Variants in MAML3 observed in about 807,000 individuals in gnomAD.
MAML3 encodes mastermind like transcriptional coactivator 3, also known as mastermind-like protein 3.
MAML3 carries 27 observed loss-of-function variants against 101.9 expected under a neutral mutation model. That is an observed-to-expected ratio of 0.27 (90% confidence interval 0.20 to 0.37). The LOEUF is 0.37. Among genes scored for constraint, MAML3 ranks in the 10% least tolerant of loss-of-function variants. The pLI is 1.00. For missense variants in MAML3, 1,316 were observed against 1,444.9 expected (o/e 0.91, Z 1.45); for synonymous variants, 501 against 555.9 (o/e 0.90, Z 1.39).
At chr4:140,027,608 A>G (rs1726847057) in intron 1 of MAML3, among the ~76,000 whole-genome samples, 1 of 152,198 alleles carries the variant, frequency 6.6e-6, no homozygotes, top group South Asian at 2.1e-4. Flanking sequence ...CTACAAATTT[A>G]ATGAATGTGT....
At chr4:139,835,373 T>C (rs1731240743) in intron 2 of MAML3, among the ~76,000 whole-genome samples, 1 of 152,242 alleles carries the variant, frequency 6.6e-6, no homozygotes, top group Admixed American at 6.5e-5. Context: ...TAAAGACATG[T>C]GAGCTCAGCT....
chr4:139,933,139 A>G (rs1256208797), intron 1 of MAML3, among the ~76,000 whole-genome samples: 2 of 152,156 alleles, frequency 1.3e-5, no homozygotes, highest in Non-Finnish European at 2.9e-5. Flanking sequence ...AAGAGAAAAG[A>G]AGGAAGCAAG....
chr4:139,867,873 A>C (rs914254578), intron 2 of MAML3, among the ~76,000 whole-genome samples: 2 of 152,274 alleles, frequency 1.3e-5, no homozygotes, highest in African/African-American at 4.8e-5. Context: ...CACTGCCTTC[A>C]CAGCCCCTGT....
At position 140,080,910 on chromosome 4, in the gene MAML3, G is replaced by A. The variant is rs77831926; in HGVS notation, c.468+71950C>T. Among the ~76,000 whole-genome samples, 61 of 152,184 alleles carry A rather than the reference G, an allele frequency of 4.0e-4. No individual in the cohort carries two copies. In the East Asian group the frequency reaches 8.1e-3, roughly 20 times the overall value. Reference sequence around the variant, plus strand: ...AAAAGAAATTCTGAATTGAGCAGGCGTCTATATAGAAAAATGGAATCCATA... The same window carrying A: ...AAAAGAAATTCTGAATTGAGCAGGCATCTATATAGAAAAATGGAATCCATA... On this transcript the variant is annotated intron_variant, in intron 1 of 4. Transcript: ENST00000509479.
At chr4:140,046,262 G>GC (rs1385673307) in intron 1 of MAML3, among the ~76,000 whole-genome samples, 1 of 152,176 alleles carries the variant, frequency 6.6e-6, no homozygotes, top group East Asian at 1.9e-4. Context: ...TTCTCCTTCA[G>GC]CGTAACCACT....
intron 2 of MAML3, among the ~76,000 whole-genome samples, chr4:139,752,618 C>T (rs1415384198): frequency 2.6e-5 from 4 of 152,176 alleles, no homozygotes; most frequent in South Asian, 2.1e-4. Context: ...GGCACAAATA[C>T]ATTCTGTATT....
rs1731572998 is a variant in MAML3, at chr4:139,852,403, G to GTTTTTTTTTTTTTTGTTGT, written c.2079+36953_2079+36954insACAACAAAAAAAAAAAAAA. On this transcript the variant is annotated intron_variant, in intron 2 of 4. Coordinates refer to ENST00000509479, the MANE Select transcript of MAML3 (RefSeq NM_018717.5). ...AAAGCTCACCAAAATTCAGAAGACTGTTTTTTTTTTTTTTTTTTTTTTTTT... is the reference window on the plus strand; with the variant it reads ...AAAGCTCACCAAAATTCAGAAGACTGTTTTTTTTTTTTTTGTTGTTTTTTTTTTTTTTTTTTTTTTTTTT... 8.8e-3 allele frequency among the ~76,000 whole-genome samples: 600 copies of GTTTTTTTTTTTTTTGTTGT among 68,330 alleles called. 45 individuals carry two copies. The highest frequency in any genetic ancestry group is 0.038 in the African/African-American group (578 of 15,040). 44.8% of individuals were successfully genotyped at this position (68,330 alleles called of 152,430 possible). A position where few individuals can be genotyped will look rare whatever the true frequency, so the allele number is the denominator to read the frequency against.
intron 2 of MAML3, among the ~76,000 whole-genome samples, chr4:139,875,621 T>C (rs936966354): frequency 1.3e-5 from 2 of 152,126 alleles, no homozygotes; most frequent in Non-Finnish European, 2.9e-5. Context: ...GCAGGATGTT[T>C]ATATGGCCCC....
intron 2 of MAML3, among the ~76,000 whole-genome samples, chr4:139,837,753 C>G (rs28392519): frequency 0.035 from 5,353 of 151,720 alleles, 105 homozygotes; most frequent in Middle Eastern, 0.068. Context: ...AGCCCTGTCT[C>G]TACTAAAAAT....
chr4:139,806,324 A>T (rs1167542813), intron 2 of MAML3, among the ~76,000 whole-genome samples: 2 of 152,160 alleles, frequency 1.3e-5, no homozygotes, highest in African/African-American at 2.4e-5. Flanking sequence ...ATGAATAGAG[A>T]CAGTTTATGA....
At chr4:139,919,921 G>C (rs1321935486) in intron 1 of MAML3, among the ~76,000 whole-genome samples, 1 of 152,148 alleles carries the variant, frequency 6.6e-6, no homozygotes, top group Non-Finnish European at 1.5e-5. Context: ...AGAGTCAAAA[G>C]AATAATAGAT....
rs1730288049 is a variant in MAML3 at position 139,785,464 on chromosome 4, G to A, written c.2080-54797C>T. On this transcript the variant is annotated intron_variant, in intron 2 of 4. Coordinates refer to ENST00000509479, the MANE Select transcript of MAML3 (RefSeq NM_018717.5). This position sits in a 1 kb window ranked among gnomAD's most constrained non-coding sequence, Gnocchi z 4.3. ...GTGTTCTTGATGAGTGAATTGGGCA[G>A]TAAACACAGCTCTTTATTTTTGTAC... 2.6e-5 allele frequency among the ~76,000 whole-genome samples: 4 copies of A among 152,202 alleles called. No individual in the cohort carries two copies. Among genetic ancestry groups the A allele is most frequent in the Admixed American group, 2.6e-4 (4 of 15,284 alleles).
At chr4:139,909,138 A>C (rs958299101) in intron 1 of MAML3, among the ~76,000 whole-genome samples, 4 of 152,108 alleles carry the variant, frequency 2.6e-5, no homozygotes, top group African/African-American at 9.7e-5. Context: ...CAGTTTCGTG[A>C]CTCTGATCAC....
At chr4:140,050,933 T>C (rs910342426) in intron 1 of MAML3, among the ~76,000 whole-genome samples, 1 of 152,214 alleles carries the variant, frequency 6.6e-6, no homozygotes, top group Non-Finnish European at 1.5e-5. Flanking sequence ...AAAAATATGA[T>C]ATGAAGCACT....
intron 2 of MAML3, among the ~76,000 whole-genome samples, chr4:139,878,865 A>G (rs552377958): frequency 2.6e-5 from 4 of 152,174 alleles, no homozygotes; most frequent in Non-Finnish European, 5.9e-5. Context: ...TGTCGCCTTT[A>G]ATGTGTGTAG....
intron 2 of MAML3, among the ~76,000 whole-genome samples, chr4:139,884,588 G>A (rs1732286886): frequency 6.6e-6 from 1 of 152,174 alleles, no homozygotes; most frequent in African/African-American, 2.4e-5. Context: ...TCTGCTTTTG[G>A]TTTACTTCTT....
intron 1 of MAML3, among the ~76,000 whole-genome samples, chr4:140,067,531 T>C (rs1018849739): frequency 5.3e-5 from 8 of 152,210 alleles, no homozygotes; most frequent in Non-Finnish European, 1.0e-4. Flanking sequence ...GTATGGTTGA[T>C]AGAATTAAGT....
rs150760190 is a variant in MAML3 at position 140,089,551 on chromosome 4, A to G, written c.468+63309T>C. Among the ~76,000 whole-genome samples the G allele has an allele frequency of 5.3e-5, 8 of 152,344 alleles. No homozygotes were observed. In the East Asian group the frequency reaches 9.6e-4, roughly 18 times the overall value. ...AGATTTCATCTAGCTCCAGAATTCA[A>G]TGATTTATGAGTATTTAAAATAAGC... On this transcript the variant is annotated intron_variant, in intron 1 of 4. Transcript: ENST00000509479.
chr4:140,014,608 T>A (rs1726614086), intron 1 of MAML3, among the ~76,000 whole-genome samples: 2 of 152,232 alleles, frequency 1.3e-5, no homozygotes, highest in Admixed American at 1.3e-4. Flanking sequence ...GATACAGAAG[T>A]ATATATAATG....
Sources: allele counts gnomAD v4.1 joint callset (sites outside exome capture counted in the v4.1 genomes callset), GRCh38; gene constraint gnomAD v4.1.1; non-coding constraint Gnocchi (gnomAD v3.1); transcripts MANE v1.5; gene names NCBI Gene and HGNC (gene_info 2026-07-23, HGNC 2026-07-21).